Variants in TACC2 observed in about 807,000 individuals in gnomAD.
TACC2 encodes transforming acidic coiled-coil containing protein 2, also known as transforming acidic coiled-coil-containing protein 2.
In TACC2, 137 loss-of-function variants were observed where a neutral mutation model predicts 227.3. The observed-to-expected ratio is 0.60, with a 90% confidence interval of 0.52 to 0.69. TACC2 has a LOEUF of 0.69. TACC2 is among the 30% of genes least tolerant of loss of function. The probability of loss-of-function intolerance (pLI) is 0.00; values close to 1 mark genes in which losing one functional copy is unlikely to be tolerated. For synonymous variants in TACC2, 1,523 were observed against 1,487.5 expected (o/e 1.02, Z -0.55); for missense variants, 3,470 against 3,694.4 (o/e 0.94, Z 1.57).
Position 122,083,132 on chromosome 10 carries a change from CA to C in TACC2, c.633del (p.Pro212ArgfsTer37), listed in dbSNP as rs768582523. ...SPVPLREPMK[A>X]PLCGEGDQPG... ...GTACCCCTCAGAGAGCCAATGAAGG[CA>C]CCGCTGTGTGGAGAGGGGGACCAGC... is the stretch of plus-strand genomic sequence containing the variant. On this transcript the variant is annotated frameshift_variant, in exon 4 of 23. Coordinates refer to ENST00000369005, the MANE Select transcript of TACC2 (RefSeq NM_206862.4). LOFTEE classifies it high-confidence loss of function. 1.6e-5 allele frequency: 26 copies of C among 1,613,046 alleles called. No individual in the cohort carries two copies. Among genetic ancestry groups the C allele is most frequent in the Non-Finnish European group, 2.2e-5 (26 of 1,180,034 alleles).
intron 1 of TACC2, among the ~76,000 whole-genome samples, chr10:122,007,412 T>C (rs1201025411): frequency 1.3e-5 from 2 of 152,198 alleles, no homozygotes; most frequent in East Asian, 3.8e-4. Context: ...CTGTTTGGAG[T>C]GCTGAGTTAG....
At chr10:122,088,365 T>TC in intron 4 of TACC2, 113 bp from the exon 5 acceptor site, 1 of 1,023,504 alleles carries the variant, frequency 9.8e-7, no homozygotes, top group East Asian at 2.6e-5. Flanking sequence ...ATTTTTTTTT[T>TC]TGTAGTAGCC....
At chr10:122,129,838 G>A (rs1016563397) in intron 5 of TACC2, among the ~76,000 whole-genome samples, 2 of 152,202 alleles carry the variant, frequency 1.3e-5, no homozygotes, top group Non-Finnish European at 2.9e-5. Flanking sequence ...GGAATGGTGG[G>A]TGGGAACATG....
chr10:122,213,232 A>G (rs1196601890), intron 9 of TACC2: 2 of 1,125,240 alleles, frequency 1.8e-6, no homozygotes, highest in South Asian at 1.3e-5. Flanking sequence ...GCATTGCCCT[A>G]CAGCGGTGGC....
At chr10:122,018,669 C>T (rs1167481727) in intron 1 of TACC2, among the ~76,000 whole-genome samples, 2 of 152,208 alleles carry the variant, frequency 1.3e-5, no homozygotes, top group African/African-American at 4.8e-5. Context: ...GCTTCTTTCA[C>T]TTCGGGTGAG....
At chr10:122,061,016 AAAAGG>A (rs1281908636) in intron 3 of TACC2, among the ~76,000 whole-genome samples, 3 of 29,650 alleles carry the variant, frequency 1.0e-4, no homozygotes, top group Non-Finnish European at 2.4e-4. Context: ...AAAAAAAAAA[AAAAGG>A]GGGGGGGGCC....
chr10:122,081,164 A>AT (rs201482396), intron 3 of TACC2, among the ~76,000 whole-genome samples: 9 of 151,550 alleles, frequency 5.9e-5, no homozygotes, highest in Middle Eastern at 3.4e-3. Context: ...ATTTTTTCTG[A>AT]TTTTTTTTTC....
intron 5 of TACC2, among the ~76,000 whole-genome samples, chr10:122,123,019 A>G (rs11200416): frequency 0.66 from 99,907 of 151,660 alleles, 37,007 homozygotes; most frequent in South Asian, 0.83. Context: ...TTTGGAGATC[A>G]TTTTTTTGAG....
In TACC2 at chr10:122,132,074, G is replaced by GAAAGAA. The variant is rs1411249395; in HGVS notation, c.5574-533_5574-528dup. On this transcript the variant is annotated intron_variant, in intron 5 of 22. Coordinates refer to ENST00000369005, the MANE Select transcript of TACC2 (RefSeq NM_206862.4). The stretch of plus-strand genomic sequence containing the variant: ...AAAGAAAGAAAGAAAGAAAAAGAAA[G>GAAAGAA]AAAGAAAGAGAAAGATCTACAAAGG... 3.2e-5 allele frequency among the ~76,000 whole-genome samples: 3 copies of GAAAGAA among 94,868 alleles called. No individual in the cohort carries two copies. In the East Asian group the frequency reaches 1.1e-3, roughly 34 times the overall value. 62.2% of individuals were successfully genotyped at this position (94,868 alleles called of 152,430 possible).
At chr10:122,251,407 G>C (rs867174316) in intron 22 of TACC2, among the ~76,000 whole-genome samples, 2 of 152,210 alleles carry the variant, frequency 1.3e-5, no homozygotes, top group Middle Eastern at 3.4e-3. Flanking sequence ...GCAAGTTTTT[G>C]CTCACTCACC....
At chr10:122,236,059 C>T (rs781662116) in intron 16 of TACC2, among the ~76,000 whole-genome samples, 17 of 152,186 alleles carry the variant, frequency 1.1e-4, no homozygotes, top group East Asian at 1.9e-4. Context: ...CAGTCATCTC[C>T]GGTCCTATCC....
chr10:122,225,959 G>T (rs925521209), intron 12 of TACC2, among the ~76,000 whole-genome samples: 28 of 152,304 alleles, frequency 1.8e-4, no homozygotes, highest in African/African-American at 6.3e-4. Context: ...TCCAGGCCCT[G>T]CCCCTGCCCT....
intron 5 of TACC2, among the ~76,000 whole-genome samples, chr10:122,126,416 C>G (rs1006905434): frequency 6.6e-6 from 1 of 150,600 alleles, no homozygotes; most frequent in African/African-American, 2.4e-5. Flanking sequence ...TCCTTTGACG[C>G]GACTCCCCCA....
At position 122,084,878 on chromosome 10, in the gene TACC2, T is replaced by C. The variant is rs2079928846; in HGVS notation, c.2378T>C (p.Leu793Pro). ...QGENLAADLG[L>P]TALILDQDQQ... The stretch of plus-strand genomic sequence containing the variant: ...GAGAACTTGGCAGCAGACCTGGGGC[T>C]CACGGCACTCATCCTGGACCAAGAT... Residue 793 changes from leucine to proline, a missense_variant, in exon 4 of 23, where the codon CTC (leucine) becomes CCC (proline). By Grantham distance (98) the Leu-to-Pro change is moderately conservative (BLOSUM62 -3). This residue lies in a region of TACC2 where 1,924 missense variants were observed against 1,978.3 expected (regional missense o/e 0.97). Coordinates refer to ENST00000369005, the MANE Select transcript of TACC2 (RefSeq NM_206862.4). The C allele has an allele frequency of 6.2e-7, 1 of 1,613,882 alleles. No homozygotes were observed.
chr10:122,165,873 C>A (rs1380996160), intron 7 of TACC2, among the ~76,000 whole-genome samples: 1 of 152,216 alleles, frequency 6.6e-6, no homozygotes, highest in Non-Finnish European at 1.5e-5. Flanking sequence ...CAAAACCCGT[C>A]TCTGCTCTCT....
intron 18 of TACC2, among the ~76,000 whole-genome samples, chr10:122,239,331 A>G (rs1478123331): frequency 6.6e-6 from 1 of 152,190 alleles, no homozygotes; most frequent in Non-Finnish European, 1.5e-5. Context: ...TATTATCAAA[A>G]TCAATTGCAT....
intron 14 of TACC2, 123 bp from the exon 15 acceptor site, chr10:122,229,223 T>TA: frequency 9.4e-7 from 1 of 1,064,744 alleles, no homozygotes; most frequent in Non-Finnish European, 1.4e-6. Context: ...AGCTAATTGA[T>TA]ACTCTCTTTA....
chr10:122,241,608 TG>T (rs1371179240), intron 18 of TACC2: 3 of 314,866 alleles, frequency 9.5e-6, no homozygotes, highest in African/African-American at 2.1e-5. Flanking sequence ...TTTTCATTTT[TG>T]TATAGGCAGG....
chr10:122,117,352 C>T (rs896856459), intron 5 of TACC2, among the ~76,000 whole-genome samples: 2 of 151,904 alleles, frequency 1.3e-5, no homozygotes, highest in African/African-American at 4.8e-5. Context: ...CACCACCATG[C>T]CCGGCTAATT....
Sources: gnomAD v4.1 joint callset for allele counts (sites outside exome capture counted in the v4.1 genomes callset) on GRCh38, gnomAD v4.1.1 for gene constraint, gnomAD v4.1.1 regional missense constraint, MANE v1.5 for transcripts, NCBI Gene and HGNC (gene_info 2026-07-23, HGNC 2026-07-21) for gene names.